The following PEMT variants were observed in gnomAD, a reference collection of about 807,000 sequenced individuals.
PEMT encodes the protein phosphatidylethanolamine N-methyltransferase.
PEMT carries 23 observed loss-of-function variants against 27.4 expected under a neutral mutation model. The observed-to-expected ratio is 0.84, with a 90% CI of 0.60 to 1.19. The LOEUF is 1.19. PEMT is among the 50% of genes most tolerant of loss of function. PEMT has a pLI of 0.00. For missense variants in PEMT, 307 were observed against 310.1 expected (o/e 0.99, Z 0.07); for synonymous variants, 137 against 139.1 (o/e 0.98, Z 0.11).
intron 3 of PEMT, chr17:17,518,135 G>A: frequency 2.0e-6 from 2 of 985,512 alleles, no homozygotes; most frequent in Non-Finnish European, 2.4e-6. Context: ...ATGTGCGCTG[G>A]AGCACAGTTC....
intron 1 of PEMT, among the ~76,000 whole-genome samples, chr17:17,585,809 G>A (rs564085083): frequency 3.3e-5 from 5 of 152,158 alleles, no homozygotes; most frequent in Admixed American, 3.3e-4. Flanking sequence ...CGGGCCGGGC[G>A]CGGTGAGTCA....
intron 2 of PEMT, among the ~76,000 whole-genome samples, chr17:17,575,293 G>A (rs1467707076): frequency 6.6e-6 from 1 of 152,190 alleles, no homozygotes; most frequent in East Asian, 1.9e-4. Context: ...CACACACAAT[G>A]GCACTTAGGG....
Position 17,512,555 on chromosome 17 carries a change from G to C in PEMT, c.420C>G (p.Leu140=), listed in dbSNP as rs752173554. Residue 140 remains leucine (L), a synonymous_variant, in exon 4 of 7, where the codon CTC becomes CTG. Transcript: ENST00000255389. The surrounding 1 kb of genome is among the most constrained non-coding windows in gnomAD (Gnocchi z 6.3). ...CCAGTGCAAAGAAGCTGGAGAGCACGAGCACGACGCCCAGTCCCAGGAGCG... is the reference window on the plus strand; with the variant it reads ...CCAGTGCAAAGAAGCTGGAGAGCACCAGCACGACGCCCAGTCCCAGGAGCG... The part of the protein sequence containing the change: ...GLALLGLGVV[L]VLSSFFALGF... 3.1e-6 allele frequency: 5 copies of C among 1,608,792 alleles called. No individual in the cohort carries two copies. Among genetic ancestry groups the C allele is most frequent in the Middle Eastern group, 1.6e-4 (1 of 6,070 alleles).
intron 1 of PEMT, among the ~76,000 whole-genome samples, chr17:17,580,476 C>CA (rs113364274): frequency 1.3e-3 from 186 of 144,000 alleles, no homozygotes; most frequent in African/African-American, 4.1e-3. Context: ...GACTCCGTCT[C>CA]AAAAAAAAAA....
intron 1 of PEMT, chr17:17,577,314 C>A: frequency 2.0e-6 from 1 of 494,820 alleles, no homozygotes; most frequent in Non-Finnish European, 3.4e-6. Flanking sequence ...GGAGGTGACA[C>A]CAACCCTGGT....
chr17:17,567,733 G>A (rs1366907160), intron 2 of PEMT, among the ~76,000 whole-genome samples: 1 of 152,272 alleles, frequency 6.6e-6, no homozygotes, highest in Non-Finnish European at 1.5e-5. Flanking sequence ...CTGGTCTGAA[G>A]AGACAAGAGC....
At chr17:17,581,414 G>A (rs1363760451) in intron 1 of PEMT, among the ~76,000 whole-genome samples, 1 of 152,214 alleles carries the variant, frequency 6.6e-6, no homozygotes, top group Non-Finnish European at 1.5e-5. Flanking sequence ...AGGCAGTGAG[G>A]AGCAGAGCCA....
intron 1 of PEMT, among the ~76,000 whole-genome samples, chr17:17,580,102 G>C (rs939015107): frequency 6.6e-6 from 1 of 152,166 alleles, no homozygotes; most frequent in Admixed American, 6.5e-5. Context: ...AGGGAGGGGA[G>C]GGAAGGCCTG....
chr17:17,506,291 G>A lies in PEMT; in HGVS notation c.589C>T (p.Pro197Ser), dbSNP rs1486021934. The change falls in exon 6 of 7, where the codon CCC becomes TCC. Residue 197 changes from proline (P) to serine (S), a missense_variant. Physicochemically the swap from Pro to Ser is moderately conservative, Grantham distance 74. Coordinates refer to ENST00000255389, the MANE Select transcript of PEMT (RefSeq NM_148172.3). ...YLGWAIMHASPTGLLLTVLVA... is the reference protein window; with the variant it reads ...YLGWAIMHASSTGLLLTVLVA... ...AGCACCGTCAGGAGCAGGCCCGTGG[G>A]GCTGGCGTGCCTGAAAGGACAGAGG... 4 of 1,578,780 alleles carry A rather than the reference G, an allele frequency of 2.5e-6. No individual in the cohort carries two copies. The Admixed American group carries it at 7.2e-5, about 28-fold the overall frequency.
chr17:17,567,529 T>C (rs1910907195), intron 2 of PEMT, among the ~76,000 whole-genome samples: 1 of 152,250 alleles, frequency 6.6e-6, no homozygotes, highest in African/African-American at 2.4e-5. Context: ...TCATGTGCCG[T>C]GGAACGGCTT....
rs918375841 is a variant in PEMT at position 17,568,485 on chromosome 17, G to A, written c.204+8435C>T. Among the ~76,000 whole-genome samples, 37 of 152,376 alleles carry A rather than the reference G, an allele frequency of 2.4e-4. 1 individual carries two copies. Among genetic ancestry groups the A allele is most frequent in the African/African-American group, 8.7e-4 (36 of 41,592 alleles). ...CGGCACAGAGCTGCCCCAGAGCCAGGACTTGGTAAAGCGCAGGGATTGCAG... is the reference window on the plus strand; with the variant it reads ...CGGCACAGAGCTGCCCCAGAGCCAGAACTTGGTAAAGCGCAGGGATTGCAG... On this transcript the variant is annotated intron_variant, in intron 2 of 6. Coordinates refer to ENST00000255389, the MANE Select transcript of PEMT (RefSeq NM_148172.3).
chr17:17,531,634 A>G (rs1250138786), intron 2 of PEMT, among the ~76,000 whole-genome samples: 2 of 150,300 alleles, frequency 1.3e-5, no homozygotes, highest in Non-Finnish European at 3.0e-5. Flanking sequence ...AAAAAAAAAA[A>G]AAAAAAAAAA....
intron 2 of PEMT, among the ~76,000 whole-genome samples, chr17:17,544,176 T>C (rs1461719663): frequency 2.0e-5 from 3 of 152,164 alleles, no homozygotes; most frequent in African/African-American, 7.2e-5. Context: ...GAAAGAACTT[T>C]ATTTTATATA....
chr17:17,583,095 G>C (rs887817614), intron 1 of PEMT, among the ~76,000 whole-genome samples: 2 of 151,368 alleles, frequency 1.3e-5, no homozygotes, highest in African/African-American at 4.9e-5. Flanking sequence ...TTATTCTCTG[G>C]CCGTGCCCAG....
intron 5 of PEMT, chr17:17,507,137 C>G (rs1905933308): frequency 1.3e-6 from 2 of 1,553,814 alleles, no homozygotes; most frequent in Non-Finnish European, 1.7e-6. Context: ...TAGCTGCCGT[C>G]AAGCTGTCCC....
chr17:17,506,650 C>CCCCAGGCGGAAG (rs1905879545), intron 5 of PEMT, among the ~76,000 whole-genome samples: 1 of 152,230 alleles, frequency 6.6e-6, no homozygotes, highest in Non-Finnish European at 1.5e-5. Context: ...TAGGGCTGTT[C>CCCCAGGCGGAAG]ATTCCCGCAC....
At chr17:17,558,255 C>T (rs1182758705) in intron 2 of PEMT, among the ~76,000 whole-genome samples, 1 of 152,080 alleles carries the variant, frequency 6.6e-6, no homozygotes, top group Non-Finnish European at 1.5e-5. Flanking sequence ...GCCTGCAATC[C>T]CAGGGCTTTG....
At chr17:17,567,927 T>C (rs937688651) in intron 2 of PEMT, among the ~76,000 whole-genome samples, 2 of 152,216 alleles carry the variant, frequency 1.3e-5, no homozygotes, top group African/African-American at 4.8e-5. Context: ...TGGAGCCCAC[T>C]GGATATGCGG....
At chr17:17,526,734 C>T (rs1008123691) in intron 2 of PEMT, among the ~76,000 whole-genome samples, 5 of 152,252 alleles carry the variant, frequency 3.3e-5, no homozygotes, top group Admixed American at 2.6e-4. Flanking sequence ...TTCTTGGTGT[C>T]CTTGGACTCA....
Sources: allele counts gnomAD v4.1 joint callset (sites outside exome capture counted in the v4.1 genomes callset), GRCh38; gene constraint gnomAD v4.1.1; non-coding constraint Gnocchi (gnomAD v3.1); transcripts MANE v1.5; gene names NCBI Gene and HGNC (gene_info 2026-07-23, HGNC 2026-07-21).